PLEC: variants seen among roughly 807,000 people sequenced by gnomAD.
The protein encoded by PLEC is plectin.
In PLEC, 216 loss-of-function variants were observed where a neutral mutation model predicts 392.8. The observed-to-expected ratio is 0.55, with a 90% CI of 0.49 to 0.62. The LOEUF (loss-of-function observed/expected upper bound fraction) is 0.62. PLEC is among the 20% of genes least tolerant of loss of function. The pLI is 0.00. For synonymous variants in PLEC, 3,621 were observed against 2,980.6 expected, an observed-to-expected ratio of 1.21 and a Z score of -7.00; for missense variants, 6,863 against 6,563.4, an observed-to-expected ratio of 1.05 and a Z score of -1.58.
In PLEC at chr8:143,973,501, C is replaced by G; in HGVS notation, c.-29G>C. The G allele has an allele frequency of 6.8e-7, 1 of 1,477,594 alleles. No individual in the cohort carries two copies. The highest frequency in any genetic ancestry group is 9.0e-7 in the Non-Finnish European group (1 of 1,110,940). 91.5% of individuals were successfully genotyped at this position (1,477,594 alleles called of 1,614,324 possible). On this transcript the variant is annotated 5_prime_UTR_variant, in exon 1 of 32. Coordinates refer to the PLEC transcript ENST00000356346. This position sits in a 1 kb window ranked among gnomAD's most constrained non-coding sequence, Gnocchi z 5.6. ...GGCGGGCGCGGGGCGCGGGGTGCAG[C>G]GGAGCCTCCAGCACCCGGCGGCCAC...
chr8:143,918,777 C>T lies in PLEC; in HGVS notation c.11044G>A (p.Ala3682Thr), dbSNP rs782569437. The change falls in exon 32 of 32, where the codon GCC becomes ACC. Residue 3682 changes from alanine (A) to threonine (T), a missense_variant. Transcript: ENST00000345136. ...CCCGTGCCATAGAGGTAGCACCAGG[C>T]GGACTCCGCCTCGAGAGCCTCACGG... The part of the protein sequence containing the change: ...SLREALEAES[A>T]WCYLYGTGSV... 97 of 1,612,944 alleles carry T rather than the reference C, an allele frequency of 6.0e-5. No homozygotes were observed. Among genetic ancestry groups the T allele is most frequent in the Non-Finnish European group, 7.6e-5 (90 of 1,179,994 alleles).
intron 1 of PLEC, chr8:143,944,879 C>G: frequency 2.0e-6 from 1 of 492,968 alleles, no homozygotes; most frequent in Non-Finnish European, 3.4e-6. Context: ...GGACCGTCAC[C>G]ACCCAGACTT....
Position 143,934,897 on chromosome 8 carries a change from C to G in PLEC, c.858G>C (p.Glu286Asp). ...ELQLRWQEYRELVLLLLQWMR... is the reference protein window; with the variant it reads ...ELQLRWQEYRDLVLLLLQWMR... The stretch of plus-strand genomic sequence containing the variant: ...TCCACTGAAGCAGCAGCAGCACCAG[C>G]TCCCGGTACTCCTGCCAGCGCAGCT... The change falls in exon 9 of 32, where the codon GAG (glutamate) becomes GAC (aspartate). Residue 286 changes from glutamate (E) to aspartate (D), a missense_variant. Glu to Asp is a conservative substitution (Grantham distance 45). Coordinates refer to ENST00000345136, the MANE Select transcript of PLEC (RefSeq NM_201384.3). 1 of 1,611,346 alleles carries G rather than the reference C, an allele frequency of 6.2e-7. No homozygotes were observed. Among genetic ancestry groups the G allele is most frequent in the East Asian group, 2.2e-5 (1 of 44,878 alleles).
intron 25 of PLEC, 92 bp downstream of exon 25, chr8:143,929,011 G>T: frequency 3.3e-6 from 4 of 1,199,604 alleles, no homozygotes; most frequent in Non-Finnish European, 4.8e-6. Context: ...CCCCCAACTC[G>T]TTCCCTCCTG....
Position 143,922,152 on chromosome 8 carries a change from G to A in PLEC, c.7669C>T (p.Arg2557Trp), listed in dbSNP as rs201569045. 1,122 of 1,539,958 alleles carry A rather than the reference G, an allele frequency of 7.3e-4. 2 individuals are homozygous for A. Among genetic ancestry groups the A allele is most frequent in the Non-Finnish European group, 9.0e-4 (1,038 of 1,148,216 alleles). Residue 2557 changes from arginine to tryptophan, a missense_variant, in exon 32 of 32, where the codon CGG becomes TGG. Transcript: ENST00000345136. ...RLVASMEEAR[R>W]RQHEAEEGVR... ...CCCTCCTCGGCCTCATGCTGCCGCC[G>A]CCGCGCCTCCTCCATGCTGGCCACC...
Position 143,923,712 on chromosome 8 carries a change from GCTC to G in PLEC, c.6214_6216del (p.Glu2072del). The G allele has an allele frequency of 6.5e-7, 1 of 1,544,572 alleles. No individual in the cohort carries two copies. The highest frequency in any genetic ancestry group is 8.7e-7 in the Non-Finnish European group (1 of 1,151,320). On this transcript the variant is annotated inframe_deletion, in exon 31 of 32. Coordinates refer to ENST00000345136, the MANE Select transcript of PLEC (RefSeq NM_201384.3). ...CCGCGCAGCTGGTCCAGCACGCTCT[GCTC>G]CTGCTGCAGCGTCTGCTGTAGCTCC... is the stretch of plus-strand genomic sequence containing the variant.
At chr8:143,936,907 C>T (rs530524493) in intron 5 of PLEC, 72 bp downstream of exon 5, 7 of 1,230,580 alleles carry the variant, frequency 5.7e-6, no homozygotes, top group South Asian at 1.2e-5. Flanking sequence ...CGGATCAACC[C>T]GCCAGCCAAG....
rs201884310 is a variant in PLEC, at chr8:143,933,228, G to T, written c.1387C>A (p.Arg463=). Residue 463 remains arginine (R), a synonymous_variant, in exon 13 of 32, where the codon CGG becomes AGG. Transcript: ENST00000345136. ...FNDVQTLKDG[R]HPQGEQMYRR... is the part of the protein sequence containing the mutation. ...TACATCTGCTCGCCCTGCGGGTGCC[G>T]TCCATCCTTGAGGGTCTGCACGTCG... The T allele has an allele frequency of 1.2e-6, 2 of 1,612,884 alleles. No homozygotes were observed.
In PLEC at chr8:143,925,177, G is replaced by C. The variant is rs1162266547; in HGVS notation, c.4752C>G (p.Ser1584=). Residue 1584 remains serine (S), a synonymous_variant, in exon 31 of 32, where the codon TCC becomes TCG. Coordinates refer to ENST00000345136, the MANE Select transcript of PLEC (RefSeq NM_201384.3). Reference sequence around the variant, plus strand: ...CCAGCTGTGCCGTCTTCTCGGCGAAGGAGGCGCGTTTGCTCTGCAGCTCCG... The same window carrying C: ...CCAGCTGTGCCGTCTTCTCGGCGAACGAGGCGCGTTTGCTCTGCAGCTCCG... ...AEAELQSKRA[S]FAEKTAQLER... is the part of the protein sequence containing the mutation. 2 of 1,571,098 alleles carry C rather than the reference G, an allele frequency of 1.3e-6. No homozygotes were observed. The highest frequency in any genetic ancestry group is 1.7e-6 in the Non-Finnish European group (2 of 1,166,942).
rs1554677514 is a variant in PLEC at position 143,919,220 on chromosome 8, G to A, written c.10601C>T (p.Pro3534Leu). ...RQLLERCVED[P>L]ETGLRLLPLK... ...TGGCAGAAGGCGCAAGCCCGTCTCG[G>A]GGTCCTCCACGCACCGCTCCAGCAG... Residue 3534 changes from proline to leucine, a missense_variant, in exon 32 of 32, where the codon CCC becomes CTC. Transcript: ENST00000345136. 1 of 1,613,856 alleles carries A rather than the reference G, an allele frequency of 6.2e-7. No individual in the cohort carries two copies. The highest frequency in any genetic ancestry group is 8.5e-7 in the Non-Finnish European group (1 of 1,180,032).
At position 143,929,689 on chromosome 8, in the gene PLEC, G is replaced by A. The variant is rs1250201022; in HGVS notation, c.2880C>T (p.Ser960=). The change falls in exon 23 of 32, where the codon TCC becomes TCT. Residue 960 remains serine, a synonymous_variant. Transcript: ENST00000345136. ...DRLMAEREYG[S]CSHHYQQLLQ... ...GCAGCTGCTGGTAGTGGTGGCTGCA[G>A]GAGCCGTACTCGCGCTCAGCCATCA... 2 of 1,600,054 alleles carry A rather than the reference G, an allele frequency of 1.2e-6. No homozygotes were observed. The highest frequency in any genetic ancestry group is 2.7e-5 in the African/African-American group (2 of 74,878).
rs550089108 is a variant in PLEC, at chr8:143,916,627, G to T, written c.13194C>A (p.Ile4398=). 1 of 1,610,034 alleles carries T rather than the reference G, an allele frequency of 6.2e-7. No homozygotes were observed. The change falls in exon 32 of 32, where the codon ATC becomes ATA. Residue 4398 remains isoleucine, a synonymous_variant. Coordinates refer to ENST00000345136, the MANE Select transcript of PLEC (RefSeq NM_201384.3). The stretch of plus-strand genomic sequence containing the variant: ...GCACGCGGCCCGGCGTGTCGGGCTC[G>T]ATCAAGCCGCCGGTCAGGTACTGCA... The part of the protein sequence containing the change: ...LEVQYLTGGL[I]EPDTPGRVPL...
rs782686259 is a variant in PLEC at position 143,933,118 on chromosome 8, C to G, written c.1419-7G>C. The G allele has an allele frequency of 6.3e-7, 1 of 1,598,732 alleles. No homozygotes were observed. ...CTCGTGCAGACGGTACACCCTGGGGCAGCAGAGGACTCAGGTAGGTGTTGG... is the reference window on the plus strand; with the variant it reads ...CTCGTGCAGACGGTACACCCTGGGGGAGCAGAGGACTCAGGTAGGTGTTGG... On this transcript the variant is annotated splice_region_variant and splice_polypyrimidine_tract_variant and intron_variant, in intron 13 of 31. Transcript: ENST00000345136.
rs373967634 is a variant in PLEC at position 143,927,890 on chromosome 8, G to A, written c.3363C>T (p.Thr1121=). The A allele has an allele frequency of 1.3e-5, 21 of 1,593,676 alleles. No individual in the cohort carries two copies. The highest frequency in any genetic ancestry group is 1.7e-4 in the Middle Eastern group (1 of 6,040). Residue 1121 remains threonine, a synonymous_variant, in exon 26 of 32, where the codon ACC becomes ACT. Transcript: ENST00000345136. Reference sequence around the variant, plus strand: ...CCTTGGTGGCCTCGAGCTCCGGGAGGGTGGCCGGCACGGCCTGGGCCTCCT... The same window carrying A: ...CCTTGGTGGCCTCGAGCTCCGGGAGAGTGGCCGGCACGGCCTGGGCCTCCT... The part of the protein sequence containing the change: ...QLKEAQAVPA[T]LPELEATKAS...
At position 143,932,041 on chromosome 8, in the gene PLEC, C is replaced by T. The variant is rs910450357; in HGVS notation, c.2083-9G>A. 6.3e-7 allele frequency: 1 copy of T among 1,584,642 alleles called. No homozygotes were observed. The highest frequency in any genetic ancestry group is 8.6e-7 in the Non-Finnish European group (1 of 1,165,682). On this transcript the variant is annotated splice_polypyrimidine_tract_variant and intron_variant, in intron 17 of 31. Coordinates refer to ENST00000345136, the MANE Select transcript of PLEC (RefSeq NM_201384.3). ...AGGGCCGCCTGGAAGGACTGCGGGA[C>T]AGCAGGTCCCGGTCAGGCCCCGCCC...
At chr8:143,947,518 G>C (rs954882355) in intron 1 of PLEC, among the ~76,000 whole-genome samples, 3 of 152,260 alleles carry the variant, frequency 2.0e-5, no homozygotes, top group African/African-American at 7.2e-5. Flanking sequence ...GCTGAGGCAG[G>C]CGGATCACCT....
In PLEC at chr8:143,949,747, G is replaced by A. The variant is rs183523707; in HGVS notation, c.523+437C>T. Among the ~76,000 whole-genome samples the A allele has an allele frequency of 1.2e-4, 18 of 152,300 alleles. No individual in the cohort carries two copies. The East Asian group carries it at 2.3e-3, about 20-fold the overall frequency. ...CACCAAGCCTCACCCATCAACCCCC[G>A]CGGCAAGGGAGGCGGCCAGGCCATG... On this transcript the variant is annotated intron_variant, in intron 1 of 31. Transcript: ENST00000322810.
chr8:143,959,278 C>T, intron 1 of PLEC, among the ~76,000 whole-genome samples: 1 of 152,202 alleles, frequency 6.6e-6, no homozygotes, highest in East Asian at 1.9e-4. Context: ...GAGAGGCTGG[C>T]TTCAAACGCA....
At chr8:143,937,621 C>T (rs1564166952) in intron 3 of PLEC, 1 of 501,202 alleles carries the variant, frequency 2.0e-6, no homozygotes, top group Non-Finnish European at 3.9e-6. Context: ...GGCAGCTTGA[C>T]ACCCAACCAC....
Sources: allele counts gnomAD v4.1 joint callset (sites outside exome capture counted in the v4.1 genomes callset), GRCh38; gene constraint gnomAD v4.1.1; non-coding constraint Gnocchi (gnomAD v3.1); transcripts MANE v1.5; gene names NCBI Gene and HGNC (gene_info 2026-07-23, HGNC 2026-07-21).